The following LRP1B variants were observed in gnomAD, a reference collection of about 807,000 sequenced individuals.
LRP1B encodes the protein low-density lipoprotein receptor-related protein 1B.
A neutral mutation model predicts 556.6 loss-of-function variants in LRP1B; 217 were observed. That is an observed-to-expected ratio of 0.39 (90% CI 0.35 to 0.44). The LOEUF is 0.44. LRP1B is among the 20% of genes least tolerant of loss of function. The pLI is 1.00. For synonymous variants in LRP1B, 2,047 were observed against 1,865.8 expected, an observed-to-expected ratio of 1.10 and a Z score of -2.50; for missense variants, 5,053 against 5,620.8, an observed-to-expected ratio of 0.90 and a Z score of 3.23.
At chr2:141,949,956 C>T (rs1375342029) in intron 1 of LRP1B, among the ~76,000 whole-genome samples, 4 of 152,094 alleles carry the variant, frequency 2.6e-5, no homozygotes, top group Admixed American at 1.3e-4. Context: ...GATTGGAATT[C>T]AGCAAATTCA....
At chr2:140,867,865 T>C (rs1217937660) in intron 26 of LRP1B, 31 bp from the exon 27 acceptor site, 1 of 1,495,472 alleles carries the variant, frequency 6.7e-7, no homozygotes, top group Admixed American at 2.3e-5. Context: ...GAGTAGTTTG[T>C]CAAAACTCAT....
chr2:141,937,494 CTA>C (rs1700670728), intron 1 of LRP1B, among the ~76,000 whole-genome samples: 2 of 151,426 alleles, frequency 1.3e-5, no homozygotes, highest in Non-Finnish European at 2.9e-5. Context: ...TGGATTGAGA[CTA>C]TATATATATT....
chr2:141,326,032 C>T (rs540027075), intron 3 of LRP1B, among the ~76,000 whole-genome samples: 32 of 152,096 alleles, frequency 2.1e-4, no homozygotes, highest in Non-Finnish European at 3.2e-4. Context: ...ACACAATTAA[C>T]ATTAAACTTG....
intron 3 of LRP1B, among the ~76,000 whole-genome samples, chr2:141,371,896 A>G (rs933431301): frequency 1.3e-5 from 2 of 151,936 alleles, no homozygotes; most frequent in African/African-American, 4.8e-5. Flanking sequence ...GAGAATTTCC[A>G]GTACTATCTT....
intron 3 of LRP1B, among the ~76,000 whole-genome samples, chr2:141,296,361 A>G (rs898995785): frequency 3.3e-5 from 5 of 152,198 alleles, no homozygotes; most frequent in Non-Finnish European, 7.4e-5. Context: ...CATGATTTAC[A>G]TTTCACATAT....
At chr2:141,096,636 GAGAGAGAGAGAGAGAGAGA>G (rs1700320727) in intron 7 of LRP1B, among the ~76,000 whole-genome samples, 1 of 58,686 alleles carries the variant, frequency 1.7e-5, no homozygotes, top group African/African-American at 6.1e-5. Flanking sequence ...GGGGGAGAGA[GAGAGAGAGAGAGAGAGAGA>G]GAGAGAGAGA....
At chr2:141,970,916 C>A (rs894524699) in intron 1 of LRP1B, among the ~76,000 whole-genome samples, 13 of 151,498 alleles carry the variant, frequency 8.6e-5, no homozygotes, top group Non-Finnish European at 1.8e-4. Context: ...AGATCTAGCT[C>A]TAGATTTAGA....
chr2:141,076,322 C>A (rs1191069026), intron 7 of LRP1B, among the ~76,000 whole-genome samples: 2 of 152,168 alleles, frequency 1.3e-5, no homozygotes, highest in African/African-American at 2.4e-5. Flanking sequence ...CATCAACAAC[C>A]AGTTGTGTAG....
chr2:141,935,506 C>A lies in LRP1B; in HGVS notation c.83-125105G>T, dbSNP rs141983426. ...CAGTACAATTTTTAATCTAGCAGAA[C>A]AGACCAAGGAAAATATAGAATCTTG... On this transcript the variant is annotated intron_variant, in intron 1 of 90. Coordinates refer to ENST00000389484, the MANE Select transcript of LRP1B (RefSeq NM_018557.3). Among the ~76,000 whole-genome samples, 539 of 152,152 alleles carry A rather than the reference C, an allele frequency of 3.5e-3. 2 individuals carry two copies. Among genetic ancestry groups the A allele is most frequent in the African/African-American group, 0.012 (503 of 41,528 alleles).
At chr2:140,385,851 G>A (rs763553265) in intron 67 of LRP1B, 42 bp downstream of exon 67, 13 of 1,332,994 alleles carry the variant, frequency 9.8e-6, no homozygotes, top group African/African-American at 7.2e-5. Context: ...CTTATTGAAT[G>A]GGCTGTCAAG....
chr2:141,115,037 T>C (rs1253799492), intron 7 of LRP1B, among the ~76,000 whole-genome samples: 1 of 151,988 alleles, frequency 6.6e-6, no homozygotes, highest in Non-Finnish European at 1.5e-5. Context: ...GTAAAACCAA[T>C]GAAGCAAAAA....
intron 2 of LRP1B, among the ~76,000 whole-genome samples, chr2:141,740,863 GT>G (rs911854384): frequency 9.2e-5 from 14 of 151,996 alleles, no homozygotes; most frequent in African/African-American, 3.1e-4. Context: ...GGATGTCCAT[GT>G]TTTTTTCCTT....
intron 27 of LRP1B, among the ~76,000 whole-genome samples, chr2:140,860,296 AATT>A (rs1483593609): frequency 1.2e-4 from 18 of 152,172 alleles, no homozygotes; most frequent in Admixed American, 5.9e-4. Flanking sequence ...CATTTGATCT[AATT>A]ATTGTTGTAA....
intron 1 of LRP1B, among the ~76,000 whole-genome samples, chr2:141,826,350 AG>A (rs1159492902): frequency 6.4e-5 from 9 of 139,620 alleles, no homozygotes; most frequent in Non-Finnish European, 1.4e-4. Context: ...CATACTTTTC[AG>A]AAGTTTTTTT....
chr2:140,932,014 C>T (rs1695064910), intron 20 of LRP1B, among the ~76,000 whole-genome samples: 1 of 151,940 alleles, frequency 6.6e-6, no homozygotes, highest in Admixed American at 6.6e-5. Flanking sequence ...TTAGTGGTAG[C>T]AAATATTTTC....
chr2:141,146,316 AC>A (rs1701784301), intron 7 of LRP1B, among the ~76,000 whole-genome samples: 1 of 152,194 alleles, frequency 6.6e-6, no homozygotes. Flanking sequence ...GATTTTATTT[AC>A]ATTCACATTA....
In LRP1B at chr2:141,077,200, A is replaced by T. The variant is rs575451217; in HGVS notation, c.1014-14927T>A. On this transcript the variant is annotated intron_variant, in intron 7 of 90. Coordinates refer to ENST00000389484, the MANE Select transcript of LRP1B (RefSeq NM_018557.3). ...GAAGTGGAGGTTGCAGTGAGCTGAG[A>T]TTGTGCCACTGCACTCCAGCCTGGG... is the stretch of plus-strand genomic sequence containing the variant. Among the ~76,000 whole-genome samples the T allele has an allele frequency of 7.9e-5, 12 of 152,290 alleles. No homozygotes were observed. The East Asian group carries it at 1.2e-3, about 15-fold the overall frequency.
intron 18 of LRP1B, among the ~76,000 whole-genome samples, chr2:140,966,755 A>C (rs979218295): frequency 6.6e-6 from 1 of 152,096 alleles, no homozygotes; most frequent in Non-Finnish European, 1.5e-5. Flanking sequence ...TCAGCTTTCC[A>C]CATATGGCTA....
chr2:140,318,470 A>G (rs1462024404), intron 82 of LRP1B, among the ~76,000 whole-genome samples: 1 of 152,166 alleles, frequency 6.6e-6, no homozygotes, highest in Non-Finnish European at 1.5e-5. Context: ...CCTTCTTTCA[A>G]GCATAAAATG....
Sources: gnomAD v4.1 joint callset for allele counts (sites outside exome capture counted in the v4.1 genomes callset) on GRCh38, gnomAD v4.1.1 for gene constraint, MANE v1.5 for transcripts, NCBI Gene and HGNC (gene_info 2026-07-23, HGNC 2026-07-21) for gene names.